The following ROBO1 variants were observed in gnomAD, a reference collection of about 807,000 sequenced individuals.
ROBO1 encodes the protein roundabout guidance receptor 1.
Under a neutral mutation model 195.9 loss-of-function variants are expected in ROBO1, and 149 were observed. The ratio of observed to expected loss-of-function variants is 0.76; its 90% CI spans 0.67 to 0.87. The LOEUF (loss-of-function observed/expected upper bound fraction) is 0.87. Among genes scored for constraint, ROBO1 ranks in the 40% least tolerant of loss-of-function variants. The pLI, the probability that ROBO1 is intolerant of heterozygous loss-of-function variation, is 0.00. For synonymous variants in ROBO1, 816 were observed against 733.2 expected (o/e 1.11, Z -1.82); for missense variants, 1,933 against 2,068.3 (o/e 0.93, Z 1.27).
intron 2 of ROBO1, among the ~76,000 whole-genome samples, chr3:79,525,307 T>C (rs1388343271): frequency 6.7e-6 from 1 of 149,830 alleles, no homozygotes; most frequent in Non-Finnish European, 1.5e-5. Context: ...ATATATCTAA[T>C]ATATGTAAAA....
chr3:79,546,845 T>G (rs1240019623), intron 2 of ROBO1, among the ~76,000 whole-genome samples: 1 of 152,174 alleles, frequency 6.6e-6, no homozygotes, highest in African/African-American at 2.4e-5. Context: ...AGTTGAATAC[T>G]TAGCTATCTG....
At chr3:79,057,140 G>A (rs960301028) in intron 3 of ROBO1, among the ~76,000 whole-genome samples, 5 of 151,982 alleles carry the variant, frequency 3.3e-5, no homozygotes, top group African/African-American at 1.2e-4. Flanking sequence ...CCATTCCTGA[G>A]GCTGTTACAG....
At chr3:79,636,081 A>C (rs1408673108) in intron 1 of ROBO1, among the ~76,000 whole-genome samples, 1 of 152,056 alleles carries the variant, frequency 6.6e-6, no homozygotes, top group African/African-American at 2.4e-5. Context: ...AGAAATGGAG[A>C]TCATTTAGAA....
At chr3:79,602,674 T>C (rs1034448134) in intron 1 of ROBO1, among the ~76,000 whole-genome samples, 1 of 152,030 alleles carries the variant, frequency 6.6e-6, no homozygotes, top group South Asian at 2.1e-4. Context: ...ATTTGACTAA[T>C]GCAATTTTAC....
chr3:79,122,360 A>T (rs186707030), intron 3 of ROBO1, among the ~76,000 whole-genome samples: 3 of 152,184 alleles, frequency 2.0e-5, no homozygotes, highest in African/African-American at 7.2e-5. Context: ...TTGATTTGTA[A>T]GAGTGAAACT....
chr3:78,782,299 C>T (rs919078298), intron 4 of ROBO1, among the ~76,000 whole-genome samples: 14 of 151,718 alleles, frequency 9.2e-5, no homozygotes, highest in South Asian at 4.2e-4. Context: ...TAGGTTTAAG[C>T]GATTCTCTTG....
intron 1 of ROBO1, among the ~76,000 whole-genome samples, chr3:79,614,821 T>TA (rs59620781): frequency 0.87 from 131,801 of 151,916 alleles, 57,241 homozygotes; most frequent in East Asian, 0.9. Context: ...TCATGGACAT[T>TA]AAAAATATAA....
intron 8 of ROBO1, among the ~76,000 whole-genome samples, chr3:78,693,661 T>C (rs1232863428): frequency 6.6e-6 from 1 of 152,200 alleles, no homozygotes; most frequent in Admixed American, 6.5e-5. Context: ...TACATTTTGC[T>C]ACCAGACAAC....
intron 4 of ROBO1, among the ~76,000 whole-genome samples, chr3:78,886,160 T>C (rs2036559200): frequency 2.0e-5 from 3 of 151,824 alleles, no homozygotes; most frequent in Admixed American, 2.0e-4. Context: ...GTAATCAAAA[T>C]TATAGTATTT....
intron 4 of ROBO1, among the ~76,000 whole-genome samples, chr3:78,874,939 T>C (rs2035754763): frequency 1.3e-5 from 2 of 151,972 alleles, no homozygotes; most frequent in East Asian, 3.8e-4. Flanking sequence ...CACCCATCTG[T>C]TTCACTTTGA....
intron 2 of ROBO1, among the ~76,000 whole-genome samples, chr3:79,557,766 T>A (rs899242762): frequency 7.0e-6 from 1 of 143,132 alleles, no homozygotes; most frequent in African/African-American, 2.6e-5. Flanking sequence ...ATATATATAT[T>A]TTATTGCAAT....
At chr3:79,114,839 C>G (rs935159269) in intron 3 of ROBO1, among the ~76,000 whole-genome samples, 19 of 152,138 alleles carry the variant, frequency 1.2e-4, no homozygotes, top group African/African-American at 4.6e-4. Flanking sequence ...ACCCATCATG[C>G]TACCACTTTT....
At chr3:79,046,301 G>A (rs1246817169) in intron 3 of ROBO1, among the ~76,000 whole-genome samples, 1 of 152,046 alleles carries the variant, frequency 6.6e-6, no homozygotes, top group African/African-American at 2.4e-5. Context: ...ACCTGAGGGA[G>A]CTTGCAAAAG....
intron 1 of ROBO1, among the ~76,000 whole-genome samples, chr3:79,740,141 C>A (rs1295139317): frequency 1.3e-5 from 2 of 149,084 alleles, no homozygotes; most frequent in South Asian, 2.1e-4. Flanking sequence ...CCTACTAAAT[C>A]CATTTAAGGC....
chr3:79,710,555 A>G (rs1423306333), intron 1 of ROBO1, among the ~76,000 whole-genome samples: 1 of 152,188 alleles, frequency 6.6e-6, no homozygotes, highest in Non-Finnish European at 1.5e-5. Context: ...GCCTACAGGA[A>G]CTTTTAAAGA....
intron 2 of ROBO1, among the ~76,000 whole-genome samples, chr3:79,331,257 C>T (rs1415084114): frequency 6.6e-6 from 1 of 152,072 alleles, no homozygotes; most frequent in Non-Finnish European, 1.5e-5. Flanking sequence ...CTCTTGAATT[C>T]ACCATTAAAA....
intron 3 of ROBO1, among the ~76,000 whole-genome samples, chr3:78,943,417 C>G (rs2040249182): frequency 6.6e-6 from 1 of 152,140 alleles, no homozygotes; most frequent in Admixed American, 6.5e-5. Context: ...GGGAATGGAA[C>G]TCAGGACCAA....
chr3:79,355,555 A>C (rs1055692015), intron 2 of ROBO1, among the ~76,000 whole-genome samples: 8 of 152,054 alleles, frequency 5.3e-5, no homozygotes, highest in Non-Finnish European at 1.0e-4. Flanking sequence ...ATCTGTCACT[A>C]TTCCTCCCTC....
intron 2 of ROBO1, among the ~76,000 whole-genome samples, chr3:79,314,690 T>G (rs1158273772): frequency 6.6e-6 from 1 of 152,232 alleles, no homozygotes; most frequent in Non-Finnish European, 1.5e-5. Context: ...TGAGTTGTTA[T>G]GTTCTCTTCG....
Sources: allele counts gnomAD v4.1 joint callset (sites outside exome capture counted in the v4.1 genomes callset), GRCh38; gene constraint gnomAD v4.1.1; transcripts MANE v1.5; gene names NCBI Gene and HGNC (gene_info 2026-07-23, HGNC 2026-07-21).